RBFOX1: variants seen among roughly 807,000 people sequenced by gnomAD.
The protein encoded by RBFOX1 is RNA binding fox-1 homolog 1, also known as RNA binding protein fox-1 homolog 1.
RBFOX1 carries 8 observed loss-of-function variants against 57.7 expected under a neutral mutation model. The observed-to-expected ratio is 0.14, with a 90% CI of 0.08 to 0.25. The LOEUF is 0.25. Ranked by LOEUF, RBFOX1 falls within the 10% of genes least tolerant of loss-of-function variation. RBFOX1 has a pLI of 1.00. For synonymous variants in RBFOX1, 326 were observed against 222.4 expected (o/e 1.47, Z -4.15); for missense variants, 611 against 548.5 (o/e 1.11, Z -1.14).
chr16:6,916,285 G>T (rs908041722), intron 3 of RBFOX1, among the ~76,000 whole-genome samples: 2 of 152,136 alleles, frequency 1.3e-5, no homozygotes, highest in African/African-American at 2.4e-5. Flanking sequence ...TGTTTCCACA[G>T]GATACCATAG....
intron 1 of RBFOX1, among the ~76,000 whole-genome samples, chr16:5,244,021 G>A (rs547364071): frequency 2.2e-4 from 34 of 151,882 alleles, no homozygotes; most frequent in Non-Finnish European, 3.4e-4. Context: ...CTCAGCCTCC[G>A]GAGTAGCTGG....
intron 4 of RBFOX1, among the ~76,000 whole-genome samples, chr16:7,354,531 C>G (rs1371137382): frequency 2.0e-5 from 3 of 152,128 alleles, no homozygotes; most frequent in Non-Finnish European, 4.4e-5. Context: ...GGAAAAAAAA[C>G]TACTTCCTAA....
At chr16:5,658,425 C>A (rs148536790) in intron 3 of RBFOX1, among the ~76,000 whole-genome samples, 2 of 152,234 alleles carry the variant, frequency 1.3e-5, no homozygotes, top group Non-Finnish European at 1.5e-5. Flanking sequence ...TAACTTTGAT[C>A]ATCAGATTGG....
intron 3 of RBFOX1, among the ~76,000 whole-genome samples, chr16:6,904,516 G>A (rs899360085): frequency 6.6e-5 from 9 of 136,050 alleles, no homozygotes; most frequent in Non-Finnish European, 1.2e-4. Context: ...CAGGAGAATT[G>A]TTTGAACCCA....
intron 2 of RBFOX1, among the ~76,000 whole-genome samples, chr16:5,557,306 A>T (rs888474130): frequency 7.3e-6 from 1 of 136,612 alleles, no homozygotes; most frequent in Non-Finnish European, 1.6e-5. Context: ...AATAAATAAA[A>T]ATTTCTGAAA....
chr16:7,160,768 C>A (rs984969794), intron 4 of RBFOX1, among the ~76,000 whole-genome samples: 2 of 151,158 alleles, frequency 1.3e-5, no homozygotes, highest in Admixed American at 6.6e-5. Flanking sequence ...TCCTCCTCCT[C>A]CGCCTCCCCC....
intron 3 of RBFOX1, among the ~76,000 whole-genome samples, chr16:7,001,824 C>G (rs2092835115): frequency 1.3e-5 from 2 of 152,068 alleles, no homozygotes; most frequent in Non-Finnish European, 2.9e-5. Flanking sequence ...TTGTGAACAT[C>G]TTTATTATTA....
chr16:5,537,367 T>C lies in RBFOX1; in HGVS notation c.259-61535T>C, dbSNP rs1188241452. ...GGAAGCGAAATAGGTATTAGTTTTC[T>C]ATTGCTGCTGTGTCAAACTACCACA... On this transcript the variant is annotated intron_variant, in intron 2 of 2. Transcript: ENST00000585867. Among the ~76,000 whole-genome samples, 4 of 152,232 alleles carry C rather than the reference T, an allele frequency of 2.6e-5. No individual in the cohort carries two copies. The East Asian group carries it at 5.8e-4, about 22-fold the overall frequency.
intron 4 of RBFOX1, among the ~76,000 whole-genome samples, chr16:5,983,842 C>T (rs1468442360): frequency 1.4e-5 from 2 of 147,902 alleles, no homozygotes; most frequent in Non-Finnish European, 3.0e-5. Context: ...TCCCTCCCTC[C>T]CTCCCTCCCT....
intron 1 of RBFOX1, among the ~76,000 whole-genome samples, chr16:6,145,078 G>C (rs533867398): frequency 1.3e-5 from 2 of 151,626 alleles, no homozygotes; most frequent in African/African-American, 4.9e-5. Flanking sequence ...GTGCAGGTTT[G>C]TTACACAGGT....
At chr16:6,781,744 A>C (rs1242134369) in intron 3 of RBFOX1, among the ~76,000 whole-genome samples, 1 of 151,916 alleles carries the variant, frequency 6.6e-6, no homozygotes, top group Admixed American at 6.6e-5. Flanking sequence ...TTTACCTTTG[A>C]ATTTCTGTGG....
At chr16:7,403,660 C>G (rs2098282332) in intron 4 of RBFOX1, among the ~76,000 whole-genome samples, 1 of 149,740 alleles carries the variant, frequency 6.7e-6, no homozygotes, top group Non-Finnish European at 1.5e-5. Context: ...GATTCTCCTG[C>G]CTCAGCCTCC....
chr16:6,905,279 C>G (rs965567877), intron 3 of RBFOX1, among the ~76,000 whole-genome samples: 2 of 151,872 alleles, frequency 1.3e-5, no homozygotes, highest in African/African-American at 2.4e-5. Context: ...AATGGCTGGC[C>G]TCAGTAGGTC....
chr16:7,096,645 G>C (rs915770886), intron 4 of RBFOX1, among the ~76,000 whole-genome samples: 43 of 151,966 alleles, frequency 2.8e-4, no homozygotes, highest in African/African-American at 8.2e-4. Flanking sequence ...GTAAAACGGG[G>C]ACTGAGTTGA....
intron 4 of RBFOX1, among the ~76,000 whole-genome samples, chr16:7,370,488 A>G (rs1187310683): frequency 6.6e-6 from 1 of 152,128 alleles, no homozygotes; most frequent in African/African-American, 2.4e-5. Context: ...AACGCGGGTA[A>G]GTTCTGTCTC....
intron 1 of RBFOX1, among the ~76,000 whole-genome samples, chr16:5,328,534 T>C (rs1423056776): frequency 6.6e-6 from 1 of 152,252 alleles, no homozygotes; most frequent in Non-Finnish European, 1.5e-5. Context: ...TGACAAAGCA[T>C]TGCTAATGTC....
intron 3 of RBFOX1, among the ~76,000 whole-genome samples, chr16:6,925,151 T>TTTTTTTG (rs2075322883): frequency 8.6e-6 from 1 of 116,480 alleles, no homozygotes; most frequent in African/African-American, 3.4e-5. Flanking sequence ...TTTTTTTTTT[T>TTTTTTTG]GAGATGGAGT....
At chr16:7,015,622 G>T (rs1210544861) in intron 3 of RBFOX1, among the ~76,000 whole-genome samples, 3 of 152,118 alleles carry the variant, frequency 2.0e-5, no homozygotes, top group Non-Finnish European at 4.4e-5. Flanking sequence ...CACCATTTGT[G>T]GTTCATCTCC....
At chr16:5,899,770 C>T (rs914521716) in intron 4 of RBFOX1, among the ~76,000 whole-genome samples, 2 of 152,178 alleles carry the variant, frequency 1.3e-5, no homozygotes, top group African/African-American at 4.8e-5. Context: ...ATGCTGAAAG[C>T]TATGGCGACA....
Sources: allele counts gnomAD v4.1 joint callset (sites outside exome capture counted in the v4.1 genomes callset), GRCh38; gene constraint gnomAD v4.1.1; transcripts MANE v1.5; gene names NCBI Gene and HGNC (gene_info 2026-07-23, HGNC 2026-07-21).